The following POLA1 variants were observed in gnomAD, a reference collection of about 807,000 sequenced individuals.
POLA1 encodes DNA polymerase alpha catalytic subunit.
In POLA1, 15 loss-of-function variants were observed where a neutral mutation model predicts 124.0. That is an observed-to-expected ratio of 0.12 (90% confidence interval 0.08 to 0.19). POLA1 has a LOEUF of 0.19. Among genes scored for constraint, POLA1 ranks in the 10% least tolerant of loss-of-function variants. POLA1 has a pLI of 1.00. For synonymous variants in POLA1, 408 were observed against 389.4 expected (o/e 1.05, Z -0.56); for missense variants, 886 against 1,103.4 (o/e 0.80, Z 2.79).
chrX:24,826,400 G>A lies in POLA1; in HGVS notation c.3562-27G>A, dbSNP rs146221613. 13,244 of 1,120,979 alleles carry A rather than the reference G, an allele frequency of 0.012. 68 individuals are homozygous for A. Among genetic ancestry groups the A allele is most frequent in the Middle Eastern group, 0.021 (84 of 3,995 alleles). 92.4% of individuals were successfully genotyped at this position (1,120,979 alleles called of 1,213,427 possible). A position where few individuals can be genotyped will look rare whatever the true frequency, so the allele number is the denominator to read the frequency against. On this transcript the variant is annotated intron_variant, in intron 31 of 36. Transcript: ENST00000379068. Reference sequence around the variant, plus strand: ...AACTTTACCTGTGTCTTCTTTTTACGTGTCTTTTTATCATATCTTCTTTTA... The same window carrying A: ...AACTTTACCTGTGTCTTCTTTTTACATGTCTTTTTATCATATCTTCTTTTA...
chrX:24,863,274 C>T (rs1601815589), intron 34 of POLA1, among the ~76,000 whole-genome samples: 2 of 106,686 alleles, frequency 1.9e-5, no homozygotes, highest in South Asian at 9.0e-4. Flanking sequence ...CCCCATCTTC[C>T]ACCCTCTTTT....
At chrX:24,941,966 C>T (rs773283847) in intron 36 of POLA1, among the ~76,000 whole-genome samples, 18 of 112,187 alleles carry the variant, frequency 1.6e-4, no homozygotes, top group Admixed American at 1.5e-3. Context: ...GTCAAAAAAG[C>T]AGGTCTGTGT....
chrX:24,929,601 A>G (rs936088753), intron 35 of POLA1, among the ~76,000 whole-genome samples: 10 of 112,113 alleles, frequency 8.9e-5, no homozygotes, highest in African/African-American at 2.9e-4. Context: ...AGATGGAAAG[A>G]AAGTTTGTAG....
intron 26 of POLA1, among the ~76,000 whole-genome samples, chrX:24,764,360 A>T (rs967222730): frequency 1.8e-5 from 2 of 111,370 alleles, no homozygotes; most frequent in African/African-American, 6.5e-5. Context: ...TTATTTTTCA[A>T]GTTTGTGTTT....
intron 32 of POLA1, among the ~76,000 whole-genome samples, chrX:24,833,562 A>T (rs1246337964): frequency 9.2e-6 from 1 of 109,236 alleles, no homozygotes; most frequent in Non-Finnish European, 1.9e-5. Context: ...ACCAACATCT[A>T]TTTTTTTTTA....
chrX:24,957,497 A>AC (rs1347086981), intron 36 of POLA1, among the ~76,000 whole-genome samples: 2 of 110,116 alleles, frequency 1.8e-5, no homozygotes, highest in African/African-American at 6.6e-5. Flanking sequence ...ACCACCCCCA[A>AC]CCCCCATGTA....
chrX:24,972,285 T>C (rs11573510), intron 36 of POLA1, among the ~76,000 whole-genome samples: 1,908 of 112,208 alleles, frequency 0.017, 41 homozygotes, highest in African/African-American at 0.058. Flanking sequence ...GATTTAATTT[T>C]TAAAGTTGCT....
intron 36 of POLA1, among the ~76,000 whole-genome samples, chrX:24,982,634 C>G (rs1191535192): frequency 9.0e-6 from 1 of 110,547 alleles, no homozygotes; most frequent in African/African-American, 3.3e-5. Flanking sequence ...GTTTCTATAG[C>G]AAGATTACTG....
intron 34 of POLA1, among the ~76,000 whole-genome samples, chrX:24,853,302 T>A (rs1001517983): frequency 8.9e-6 from 1 of 112,264 alleles, no homozygotes; most frequent in East Asian, 2.8e-4. Context: ...ATATTCTTTT[T>A]TTGTCACTAC....
chrX:24,910,905 C>T (rs1352372493), intron 35 of POLA1, among the ~76,000 whole-genome samples: 1 of 112,138 alleles, frequency 8.9e-6, no homozygotes, highest in Non-Finnish European at 1.9e-5. Flanking sequence ...ATAAAACATG[C>T]TCTCCAACAA....
intron 36 of POLA1, among the ~76,000 whole-genome samples, chrX:24,971,931 GATTTT>G (rs61464840): frequency 0.029 from 2,525 of 86,843 alleles, 42 homozygotes; most frequent in Non-Finnish European, 0.037. Flanking sequence ...GGATGTGGAA[GATTTT>G]ATTTTATTTT....
At chrX:24,861,499 A>G (rs2046715796) in intron 34 of POLA1, among the ~76,000 whole-genome samples, 1 of 112,635 alleles carries the variant, frequency 8.9e-6, no homozygotes, top group Admixed American at 9.4e-5. Context: ...ATTTATAAGC[A>G]TGTAGATTAT....
At chrX:24,867,104 A>G (rs1022888309) in intron 34 of POLA1, among the ~76,000 whole-genome samples, 1 of 111,169 alleles carries the variant, frequency 9.0e-6, no homozygotes, top group Non-Finnish European at 1.9e-5. Context: ...TTTAATTTGC[A>G]TAAGTGATTT....
intron 34 of POLA1, among the ~76,000 whole-genome samples, chrX:24,861,737 G>A (rs1244890544): frequency 4.5e-5 from 5 of 112,171 alleles, no homozygotes; most frequent in Non-Finnish European, 9.4e-5. Context: ...TTATAAGTAA[G>A]ACATGCATGA....
At chrX:24,844,413 A>C (rs888319687) in intron 34 of POLA1, among the ~76,000 whole-genome samples, 6 of 110,228 alleles carry the variant, frequency 5.4e-5, no homozygotes, top group African/African-American at 2.0e-4. Context: ...CATCTAAACA[A>C]ATTTTCTGTT....
At chrX:24,742,686 T>C (rs1024354018) in intron 22 of POLA1, among the ~76,000 whole-genome samples, 2 of 111,946 alleles carry the variant, frequency 1.8e-5, no homozygotes, top group African/African-American at 3.2e-5. Context: ...TTATCAAAAT[T>C]GGTATAGGGC....
At chrX:24,718,076 G>A (rs1002505302) in intron 10 of POLA1, among the ~76,000 whole-genome samples, 4 of 111,641 alleles carry the variant, frequency 3.6e-5, no homozygotes, top group African/African-American at 1.3e-4. Context: ...GTTTTGGAAT[G>A]TGTGTTTGTA....
At chrX:24,937,590 G>A (rs2047867253) in intron 36 of POLA1, among the ~76,000 whole-genome samples, 1 of 111,363 alleles carries the variant, frequency 9.0e-6, no homozygotes, top group Admixed American at 9.5e-5. Context: ...TTTTTTCTCC[G>A]TGTATTTTTT....
At chrX:24,723,971 G>A (rs908499316) in intron 11 of POLA1, among the ~76,000 whole-genome samples, 3 of 112,643 alleles carry the variant, frequency 2.7e-5, no homozygotes, top group Non-Finnish European at 5.6e-5. Context: ...GAGCCACTGC[G>A]CTCAGTCTGC....
Sources: gnomAD v4.1 joint callset for allele counts (sites outside exome capture counted in the v4.1 genomes callset) on GRCh38, gnomAD v4.1.1 for gene constraint, MANE v1.5 for transcripts, NCBI Gene and HGNC (gene_info 2026-07-23, HGNC 2026-07-21) for gene names.